Variants in NFATC1 observed in about 807,000 individuals in gnomAD.
NFATC1 encodes the protein nuclear factor of activated T cells 1, also known as nuclear factor of activated T-cells, cytoplasmic 1.
NFATC1 carries 22 observed loss-of-function variants against 76.0 expected under a neutral mutation model. The observed-to-expected ratio is 0.29, with a 90% confidence interval of 0.21 to 0.41. The LOEUF (loss-of-function observed/expected upper bound fraction) is 0.41, where lower values mean the gene tolerates loss of function less well. NFATC1 is among the 10% of genes least tolerant of loss of function. The pLI, the probability that NFATC1 is intolerant of heterozygous loss-of-function variation, is 1.00. For synonymous variants in NFATC1, 704 were observed against 613.1 expected, an observed-to-expected ratio of 1.15 and a Z score of -2.19; for missense variants, 1,357 against 1,337.7, an observed-to-expected ratio of 1.01 and a Z score of -0.23.
intron 2 of NFATC1, 50 bp downstream of exon 2, chr18:79,411,551 C>T (rs765918984): frequency 7.5e-5 from 61 of 817,076 alleles, no homozygotes; most frequent in East Asian, 2.5e-4. Context: ...AGGCGCGGGG[C>T]GGGGCGGAAC....
At chr18:79,450,742 G>A (rs1385873516) in intron 4 of NFATC1, among the ~76,000 whole-genome samples, 2 of 152,168 alleles carry the variant, frequency 1.3e-5, no homozygotes, top group African/African-American at 4.8e-5. Flanking sequence ...TTGCCCCCTC[G>A]CCTGCGCCAA....
At chr18:79,450,189 G>A (rs1367338414) in intron 4 of NFATC1, among the ~76,000 whole-genome samples, 1 of 152,190 alleles carries the variant, frequency 6.6e-6, no homozygotes, top group Non-Finnish European at 1.5e-5. Context: ...TGGTCGGGGA[G>A]TCTGTGTTTA....
chr18:79,495,681 C>T (rs375371927), intron 9 of NFATC1, among the ~76,000 whole-genome samples: 7 of 152,270 alleles, frequency 4.6e-5, no homozygotes, highest in African/African-American at 1.7e-4. Context: ...GATGTTCAGC[C>T]GCGACTGCGC....
chr18:79,431,450 C>G (rs2086585131), intron 2 of NFATC1, among the ~76,000 whole-genome samples: 1 of 151,968 alleles, frequency 6.6e-6, no homozygotes, highest in African/African-American at 2.4e-5. Context: ...CCTCCCCTGG[C>G]TCAGGCGATC....
At position 79,411,139 on chromosome 18, in the gene NFATC1, C is replaced by G. The variant is rs200962841; in HGVS notation, c.864C>G (p.His288Gln). Residue 288 changes from histidine (H) to glutamine (Q), a missense_variant, in exon 2 of 10, where the codon CAC becomes CAG. Around this residue, in one of 3 missense-constraint regions of NFATC1, gnomAD observed 691 missense variants for 613.1 expected, o/e 1.13. Coordinates refer to ENST00000427363, the MANE Select transcript of NFATC1 (RefSeq NM_001278669.2). ...ACCACTCGCCCACGCCGTCCCCGCA[C>G]GGCTCCCCGCGGGTCAGCGTGACCG... The part of the protein sequence containing the change: ...SPHHSPTPSP[H>Q]GSPRVSVTDD... 1 of 1,612,176 alleles carries G rather than the reference C, an allele frequency of 6.2e-7. No individual in the cohort carries two copies. The highest frequency in any genetic ancestry group is 8.5e-7 in the Non-Finnish European group (1 of 1,179,790).
chr18:79,441,314 T>C (rs1186752230), intron 3 of NFATC1, among the ~76,000 whole-genome samples: 1 of 152,028 alleles, frequency 6.6e-6, no homozygotes, highest in Non-Finnish European at 1.5e-5. Flanking sequence ...GTGTCTGGAC[T>C]GGGTATCGCT....
intron 9 of NFATC1, among the ~76,000 whole-genome samples, chr18:79,489,951 C>CTA (rs1393824795): frequency 1.3e-5 from 2 of 152,244 alleles, no homozygotes; most frequent in African/African-American, 4.8e-5. Context: ...AGACACCTCC[C>CTA]TATGACATGG....
chr18:79,480,640 C>T (rs984631870), intron 8 of NFATC1, among the ~76,000 whole-genome samples: 8 of 152,140 alleles, frequency 5.3e-5, no homozygotes, highest in South Asian at 2.1e-4. Context: ...GTGTCTGAGC[C>T]GTGTTCTTGA....
chr18:79,428,815 A>G (rs758442182), intron 2 of NFATC1, among the ~76,000 whole-genome samples: 14 of 152,218 alleles, frequency 9.2e-5, no homozygotes, highest in Non-Finnish European at 1.6e-4. Context: ...TAGCCTAGGC[A>G]GCAGAGCGAG....
chr18:79,463,720 C>T (rs1243594219), intron 7 of NFATC1, among the ~76,000 whole-genome samples: 2 of 152,246 alleles, frequency 1.3e-5, no homozygotes, highest in Middle Eastern at 3.2e-3. Context: ...CGTCCCTCTG[C>T]CTGCAGGCAG....
intron 6 of NFATC1, among the ~76,000 whole-genome samples, chr18:79,459,664 G>T (rs926909248): frequency 2.6e-5 from 4 of 152,160 alleles, no homozygotes; most frequent in Non-Finnish European, 4.4e-5. Flanking sequence ...ACTATAGCCT[G>T]TTGCGCCCGG....
At chr18:79,508,633 GTC>G (rs2090172463) in intron 9 of NFATC1, among the ~76,000 whole-genome samples, 2 of 151,702 alleles carry the variant, frequency 1.3e-5, no homozygotes, top group African/African-American at 4.8e-5. Flanking sequence ...CTCTGTCTCT[GTC>G]TCTCGGTCTG....
intron 3 of NFATC1, among the ~76,000 whole-genome samples, chr18:79,446,861 C>A (rs2087227014): frequency 6.6e-6 from 1 of 152,202 alleles, no homozygotes; most frequent in Non-Finnish European, 1.5e-5. Context: ...CTGTGGCTTC[C>A]CCACCGTGTT....
intron 6 of NFATC1, among the ~76,000 whole-genome samples, chr18:79,455,224 C>T (rs548571115): frequency 4.7e-4 from 71 of 152,352 alleles, no homozygotes; most frequent in Non-Finnish European, 9.7e-4. Flanking sequence ...GGTGTCGCTG[C>T]GCGGAAGCCA....
intron 9 of NFATC1, among the ~76,000 whole-genome samples, chr18:79,488,201 G>A (rs957221181): frequency 4.6e-5 from 7 of 151,964 alleles, no homozygotes; most frequent in African/African-American, 1.7e-4. Context: ...GAGGATGCAT[G>A]CAAATATTTT....
chr18:79,453,610 GCC>G (rs1277412758), intron 6 of NFATC1, among the ~76,000 whole-genome samples: 2 of 152,156 alleles, frequency 1.3e-5, no homozygotes, highest in Admixed American at 1.3e-4. Flanking sequence ...CAGTTTGTCT[GCC>G]CATGTCCTCC....
chr18:79,433,548 T>C (rs756221327), intron 2 of NFATC1, 31 bp from the exon 3 acceptor site: 2 of 1,612,176 alleles, frequency 1.2e-6, no homozygotes, highest in South Asian at 1.1e-5. Context: ...TGTGTGGTGC[T>C]GAACGCCTCC....
chr18:79,486,461 A>G lies in NFATC1; in HGVS notation c.2306A>G (p.His769Arg). 3 of 1,610,660 alleles carry G rather than the reference A, an allele frequency of 1.9e-6. No homozygotes were observed. The highest frequency in any genetic ancestry group is 2.5e-6 in the Non-Finnish European group (3 of 1,179,824). ...PAAPGVSPKL[H>R]DLSPAAYTKG... ...GCCCCTGGCGTGAGCCCCAAGCTCC[A>G]CGACCTTTCTCCCGCTGCCTACACC... The change falls in exon 9 of 10, where the codon CAC becomes CGC. Residue 769 changes from histidine to arginine, a missense_variant. Transcript: ENST00000427363.
chr18:79,400,394 G>A, intron 1 of NFATC1: 3 of 1,461,880 alleles, frequency 2.1e-6, no homozygotes, highest in Non-Finnish European at 2.7e-6. Flanking sequence ...GACCCGCCAT[G>A]ACGGGGCTGG....
Sources: gnomAD v4.1 joint callset for allele counts (sites outside exome capture counted in the v4.1 genomes callset) on GRCh38, gnomAD v4.1.1 for gene constraint, gnomAD v4.1.1 regional missense constraint, MANE v1.5 for transcripts, NCBI Gene and HGNC (gene_info 2026-07-23, HGNC 2026-07-21) for gene names.